Variants in ARHGAP35 observed in about 807,000 individuals in gnomAD.
ARHGAP35 encodes the protein rho GTPase-activating protein 35.
In ARHGAP35, 15 loss-of-function variants were observed where a neutral mutation model predicts 111.1. That is an observed-to-expected ratio of 0.13 (90% CI 0.09 to 0.21). The LOEUF (loss-of-function observed/expected upper bound fraction) is 0.21, where lower values mean the gene tolerates loss of function less well. Among genes scored for constraint, ARHGAP35 ranks in the 10% least tolerant of loss-of-function variants. ARHGAP35 has a pLI of 1.00. For synonymous variants in ARHGAP35, 643 were observed against 710.3 expected (o/e 0.91, Z 1.51); for missense variants, 1,262 against 1,873.0 (o/e 0.67, Z 6.02).
chr19:46,925,157 G>C (rs1322985524), intron 2 of ARHGAP35, among the ~76,000 whole-genome samples: 1 of 152,226 alleles, frequency 6.6e-6, no homozygotes, highest in Non-Finnish European at 1.5e-5. Flanking sequence ...TAGCGTGCCA[G>C]AAGTCAGTTA....
At chr19:46,932,358 C>A (rs1322565989) in intron 2 of ARHGAP35, among the ~76,000 whole-genome samples, 2 of 152,140 alleles carry the variant, frequency 1.3e-5, no homozygotes, top group Non-Finnish European at 2.9e-5. Flanking sequence ...TGGCTAGATG[C>A]TTTTTTCAGT....
chr19:46,909,662 A>G (rs1197848804), intron 1 of ARHGAP35, among the ~76,000 whole-genome samples: 2 of 152,182 alleles, frequency 1.3e-5, no homozygotes, highest in Admixed American at 6.5e-5. Context: ...TATGTAGCCT[A>G]TACTAGTGGG....
intron 1 of ARHGAP35, among the ~76,000 whole-genome samples, chr19:46,871,940 A>T (rs1163230731): frequency 1.3e-5 from 2 of 152,248 alleles, no homozygotes; most frequent in East Asian, 3.9e-4. Flanking sequence ...AGATTATGCC[A>T]CTGCACTCCA....
At position 46,999,213 on chromosome 19, in the gene ARHGAP35, G is replaced by C; in HGVS notation, c.4037-91G>C. ...TAGTGTCATCCAAAAGCCCTGGGCT[G>C]TCCTCAGAGAAGGCCCATCACAGAG... On this transcript the variant is annotated intron_variant, in intron 5 of 6. Coordinates refer to ENST00000672722, the MANE Select transcript of ARHGAP35 (RefSeq NM_004491.5). The surrounding 1 kb of genome is among the most constrained non-coding windows in gnomAD (Gnocchi z 5.4). The C allele has an allele frequency of 1.2e-6, 1 of 821,252 alleles. No individual in the cohort carries two copies. The highest frequency in any genetic ancestry group is 2.0e-6 in the Non-Finnish European group (1 of 499,300). The allele number at this position is 821,252 out of a possible 1,614,324, so 50.9% of individuals were successfully genotyped here.
intron 1 of ARHGAP35, among the ~76,000 whole-genome samples, chr19:46,904,636 T>C (rs1282379674): frequency 6.6e-6 from 1 of 152,220 alleles, no homozygotes; most frequent in East Asian, 1.9e-4. Context: ...GTAAAGCAGT[T>C]GTTTTTCCTG....
At chr19:46,881,231 C>T (rs912697415) in intron 1 of ARHGAP35, among the ~76,000 whole-genome samples, 1 of 152,166 alleles carries the variant, frequency 6.6e-6, no homozygotes, top group Admixed American at 6.5e-5. Context: ...TGAGCCACTG[C>T]GTCCAGCTCA....
At chr19:46,866,148 C>A (rs1344403558) in intron 1 of ARHGAP35, among the ~76,000 whole-genome samples, 1 of 152,138 alleles carries the variant, frequency 6.6e-6, no homozygotes, top group African/African-American at 2.4e-5. Context: ...GCCTGTTTTT[C>A]CCTTTTTTAA....
intron 1 of ARHGAP35, among the ~76,000 whole-genome samples, chr19:46,877,409 A>C (rs1050304083): frequency 6.6e-6 from 1 of 151,480 alleles, no homozygotes; most frequent in Non-Finnish European, 1.5e-5. Context: ...CTAAAAATAC[A>C]AAAACTAGCC....
intron 1 of ARHGAP35, among the ~76,000 whole-genome samples, chr19:46,910,299 TA>T (rs754019717): frequency 3.2e-4 from 49 of 151,910 alleles, no homozygotes; most frequent in Admixed American, 1.2e-3. Context: ...TTTTTTCTTT[TA>T]TTTTTTTTGA....
Position 46,910,918 on chromosome 19 carries a change from C to G in ARHGAP35, c.-188-7570C>G, listed in dbSNP as rs115470035. ...AATTTTTTGTAGAGAAGGGTTCTCA[C>G]TGGTCTTGAACTCCTGGTCTCAAGC... is the stretch of plus-strand genomic sequence containing the variant. On this transcript the variant is annotated intron_variant, in intron 1 of 6. Transcript: ENST00000672722. Among the ~76,000 whole-genome samples the G allele has an allele frequency of 5.5e-3, 836 of 152,200 alleles. 6 individuals carry two copies. The highest frequency in any genetic ancestry group is 0.019 in the African/African-American group (805 of 41,542).
intron 3 of ARHGAP35, among the ~76,000 whole-genome samples, chr19:46,942,616 G>A (rs139519380): frequency 0.016 from 2,405 of 151,302 alleles, 67 homozygotes; most frequent in African/African-American, 0.055. Flanking sequence ...CAGCCTGGGC[G>A]ACAAAGTAAG....
chr19:46,921,229 G>A lies in ARHGAP35; in HGVS notation c.2554G>A (p.Val852Ile), dbSNP rs767071078. Residue 852 changes from valine (V) to isoleucine (I), a missense_variant, in exon 2 of 7, where the codon GTT becomes ATT. Coordinates refer to ENST00000672722, the MANE Select transcript of ARHGAP35 (RefSeq NM_004491.5). The surrounding 1 kb of genome is among the most constrained non-coding windows in gnomAD (Gnocchi z 4.3). ...SSFSIRKSRL[V>I]HGYIVFYSAK... ...CTTTAGCATCAGAAAGAGCCGGTTG[G>A]TTCATGGGTACATTGTTTTTTATTC... The A allele has an allele frequency of 1.7e-5, 27 of 1,613,996 alleles. No individual in the cohort carries two copies. Among genetic ancestry groups the A allele is most frequent in the Middle Eastern group, 3.3e-4 (2 of 6,062 alleles).
chr19:46,917,574 C>T (rs1360149770), intron 1 of ARHGAP35, among the ~76,000 whole-genome samples: 2 of 152,070 alleles, frequency 1.3e-5, no homozygotes, highest in East Asian at 3.9e-4. Context: ...CACCACTGCA[C>T]TCCAGCCTGG....
rs2056176249 is a variant in ARHGAP35 at position 46,918,476 on chromosome 19, T to C, written c.-188-12T>C. Among the ~76,000 whole-genome samples the C allele has an allele frequency of 6.6e-6, 1 of 152,118 alleles. No individual in the cohort carries two copies. Among genetic ancestry groups the C allele is most frequent in the Admixed American group, 6.6e-5 (1 of 15,266 alleles). On this transcript the variant is annotated splice_polypyrimidine_tract_variant and intron_variant, in intron 1 of 6. Transcript: ENST00000672722. This position sits in a 1 kb window ranked among gnomAD's most constrained non-coding sequence, Gnocchi z 5.4. ...GATGCTGATGGGTTTTCTTTTTTTT[T>C]CCCCCATCTAGGAAGAAATGTTGGC...
Position 46,999,416 on chromosome 19 carries a change from C to G in ARHGAP35, c.4142+7C>G. On this transcript the variant is annotated splice_region_variant and intron_variant, in intron 6 of 6. Coordinates refer to ENST00000672722, the MANE Select transcript of ARHGAP35 (RefSeq NM_004491.5). This position sits in a 1 kb window ranked among gnomAD's most constrained non-coding sequence, Gnocchi z 5.4. Reference sequence around the variant, plus strand: ...TCATCTCTCACCTAAACAAGTAAGTCGCAGGGCCTTCTGGTTGGTTTTTCC... The same window carrying G: ...TCATCTCTCACCTAAACAAGTAAGTGGCAGGGCCTTCTGGTTGGTTTTTCC... The G allele has an allele frequency of 1.9e-6, 3 of 1,554,510 alleles. No individual in the cohort carries two copies. In the South Asian group the frequency reaches 3.5e-5, roughly 18 times the overall value.
intron 1 of ARHGAP35, among the ~76,000 whole-genome samples, chr19:46,862,462 C>T (rs1348363343): frequency 6.6e-6 from 1 of 152,066 alleles, no homozygotes; most frequent in African/African-American, 2.4e-5. Context: ...CGTTTTAGCC[C>T]TTAGACATGC....
At chr19:46,965,174 G>A (rs987651346) in intron 3 of ARHGAP35, among the ~76,000 whole-genome samples, 8 of 152,112 alleles carry the variant, frequency 5.3e-5, no homozygotes, top group Admixed American at 2.6e-4. Context: ...TTAGCCGGGC[G>A]TGGTGACAGG....
intron 3 of ARHGAP35, among the ~76,000 whole-genome samples, chr19:46,978,107 G>A (rs185837286): frequency 4.3e-4 from 66 of 152,320 alleles, no homozygotes; most frequent in Non-Finnish European, 7.9e-4. Context: ...AGGGTGGCAG[G>A]CTTGAGCCTG....
intron 1 of ARHGAP35, among the ~76,000 whole-genome samples, chr19:46,888,540 AT>A (rs141774575): frequency 6.6e-6 from 1 of 150,740 alleles, no homozygotes; most frequent in Non-Finnish European, 1.5e-5. Flanking sequence ...GAGAAAGCAC[AT>A]TTTGTAAGGC....
Sources: gnomAD v4.1 joint callset for allele counts (sites outside exome capture counted in the v4.1 genomes callset) on GRCh38, gnomAD v4.1.1 for gene constraint, Gnocchi (gnomAD v3.1) non-coding constraint, MANE v1.5 for transcripts, NCBI Gene and HGNC (gene_info 2026-07-23, HGNC 2026-07-21) for gene names.